The following AUTS2 variants were observed in gnomAD, a reference collection of about 807,000 sequenced individuals.
AUTS2 encodes autism susceptibility gene 2 protein.
AUTS2 carries 17 observed loss-of-function variants against 112.4 expected under a neutral mutation model. That is an observed-to-expected ratio of 0.15 (90% CI 0.10 to 0.23). The LOEUF (loss-of-function observed/expected upper bound fraction) is 0.23. Among genes scored for constraint, AUTS2 ranks in the 10% least tolerant of loss-of-function variants. The probability of loss-of-function intolerance (pLI) is 1.00; values close to 1 mark genes in which losing one functional copy is unlikely to be tolerated. For synonymous variants in AUTS2, 751 were observed against 702.7 expected (o/e 1.07, Z -1.09); for missense variants, 1,510 against 1,701.6 (o/e 0.89, Z 1.98).
intron 2 of AUTS2, among the ~76,000 whole-genome samples, chr7:70,116,956 T>C (rs1805386986): frequency 1.3e-5 from 2 of 152,208 alleles, no homozygotes; most frequent in Non-Finnish European, 1.5e-5. Flanking sequence ...GGTGATGATA[T>C]TGTAGACTAG....
rs1792699945 is a variant in AUTS2 at position 69,855,893 on chromosome 7, C to T, written c.310-43393C>T. On this transcript the variant is annotated intron_variant, in intron 1 of 18. Coordinates refer to ENST00000342771, the MANE Select transcript of AUTS2 (RefSeq NM_015570.4). ...TCAACCAACTTCTGCTTCAGGGCCT[C>T]AGGGATGGTGGGTGGTGGGGACCTT... 2.0e-5 allele frequency among the ~76,000 whole-genome samples: 3 copies of T among 152,260 alleles called. No individual in the cohort carries two copies. In the South Asian group the frequency reaches 6.2e-4, roughly 32 times the overall value.
At position 70,484,206 on chromosome 7, in the gene AUTS2, CT is replaced by C. The variant is rs930266287; in HGVS notation, c.690+48429del. Among the ~76,000 whole-genome samples, 5 of 152,272 alleles carry C rather than the reference CT, an allele frequency of 3.3e-5. No individual in the cohort carries two copies. The East Asian group carries it at 7.7e-4, about 24-fold the overall frequency. On this transcript the variant is annotated intron_variant, in intron 5 of 18. Transcript: ENST00000342771. ...TCTTGCTGCCATCTAACCATCCATC[CT>C]TTTCATTTTCAAAAATCCATATCGG...
chr7:70,765,605 T>C (rs1372721838), intron 8 of AUTS2, among the ~76,000 whole-genome samples: 1 of 152,216 alleles, frequency 6.6e-6, no homozygotes, highest in Non-Finnish European at 1.5e-5. Flanking sequence ...GAGAGCCATA[T>C]AGCAGTAATT....
chr7:69,996,021 CTTTCACCGTGAGGAATGAATGACCA>C, intron 2 of AUTS2, among the ~76,000 whole-genome samples: 1 of 152,192 alleles, frequency 6.6e-6, no homozygotes, highest in East Asian at 1.9e-4. Context: ...TTTTAATCTT[CTTTCACCGTGAGGAATGAATGACCA>C]TTTTAATAAA....
intron 6 of AUTS2, among the ~76,000 whole-genome samples, chr7:70,711,708 T>A (rs1810059544): frequency 6.6e-6 from 1 of 152,178 alleles, no homozygotes; most frequent in South Asian, 2.1e-4. Context: ...GCCTCTCATG[T>A]AGACCATGAC....
intron 1 of AUTS2, among the ~76,000 whole-genome samples, chr7:69,614,368 T>TCTTTCTTTC (rs1474509971): frequency 1.5e-4 from 3 of 19,532 alleles, no homozygotes; most frequent in Admixed American, 5.5e-4. Flanking sequence ...TTCTTTCTTT[T>TCTTTCTTTC]TTTAAGAGAT....
intron 2 of AUTS2, among the ~76,000 whole-genome samples, chr7:70,101,220 TG>T (rs1342302936): frequency 6.6e-6 from 1 of 152,164 alleles, no homozygotes; most frequent in Admixed American, 6.5e-5. Flanking sequence ...TTAGAGTAGA[TG>T]TTCACTCATT....
In AUTS2 at chr7:69,886,763, TTGTGTGTG is replaced by T. The variant is rs3220664; in HGVS notation, c.310-12483_310-12476del. On this transcript the variant is annotated intron_variant, in intron 1 of 18. Transcript: ENST00000342771. Reference sequence around the variant, plus strand: ...GCCTGTTAATGCAGATTTGACTTCTTTGTGTGTGTGTGTGTGTGTGTGTGTGTGTGTGT... The same window carrying T: ...GCCTGTTAATGCAGATTTGACTTCTTTGTGTGTGTGTGTGTGTGTGTGTGT... 7.0e-3 allele frequency among the ~76,000 whole-genome samples: 909 copies of T among 129,856 alleles called. 11 individuals carry two copies. Among genetic ancestry groups the T allele is most frequent in the African/African-American group, 0.015 (527 of 34,248 alleles). 85.2% of individuals were successfully genotyped at this position (129,856 alleles called of 152,430 possible). A position where few individuals can be genotyped will look rare whatever the true frequency, so the allele number is the denominator to read the frequency against.
intron 6 of AUTS2, among the ~76,000 whole-genome samples, chr7:70,757,897 C>A (rs375297497): frequency 0.02 from 2,834 of 143,782 alleles, 103 homozygotes; most frequent in African/African-American, 0.068. Flanking sequence ...GCTCACTGCA[C>A]CCTCCGCCCA....
chr7:69,656,617 T>C (rs1175851270), intron 1 of AUTS2, among the ~76,000 whole-genome samples: 1 of 152,158 alleles, frequency 6.6e-6, no homozygotes, highest in Non-Finnish European at 1.5e-5. Flanking sequence ...GTAGCCTTGC[T>C]CCTCCCTGAC....
chr7:70,227,342 G>GT (rs34670374), intron 4 of AUTS2, among the ~76,000 whole-genome samples: 51,735 of 150,654 alleles, frequency 0.34, 9,601 homozygotes, highest in African/African-American at 0.49. Flanking sequence ...CTTTTTAAAG[G>GT]TTTTAAAAAC....
At chr7:69,879,510 C>T (rs913352050) in intron 1 of AUTS2, among the ~76,000 whole-genome samples, 1 of 152,014 alleles carries the variant, frequency 6.6e-6, no homozygotes, top group Admixed American at 6.5e-5. Flanking sequence ...CTTATTTCCT[C>T]GCCAGTAATA....
intron 1 of AUTS2, among the ~76,000 whole-genome samples, chr7:69,883,659 C>T (rs1794152869): frequency 6.6e-6 from 1 of 152,130 alleles, no homozygotes; most frequent in Non-Finnish European, 1.5e-5. Flanking sequence ...AAACATGCTG[C>T]CATCCAAGGC....
intron 5 of AUTS2, among the ~76,000 whole-genome samples, chr7:70,547,131 C>T (rs903850421): frequency 1.3e-5 from 2 of 152,146 alleles, no homozygotes; most frequent in Non-Finnish European, 2.9e-5. Context: ...CCAGTAAAAT[C>T]CCTCATGCCC....
At chr7:70,386,129 C>G (rs900221578) in intron 4 of AUTS2, among the ~76,000 whole-genome samples, 1 of 152,190 alleles carries the variant, frequency 6.6e-6, no homozygotes, top group Non-Finnish European at 1.5e-5. Context: ...GCATACAATA[C>G]TGAGAAGCCC....
intron 4 of AUTS2, among the ~76,000 whole-genome samples, chr7:70,214,712 G>T (rs1284758835): frequency 1.3e-5 from 2 of 152,138 alleles, no homozygotes; most frequent in Non-Finnish European, 2.9e-5. Context: ...GACATGCTCT[G>T]TGGAAGGTTT....
chr7:69,940,641 T>TATAA (rs919411320), intron 2 of AUTS2, among the ~76,000 whole-genome samples: 1 of 152,096 alleles, frequency 6.6e-6, no homozygotes, highest in Non-Finnish European at 1.5e-5. Flanking sequence ...GAACCATGGG[T>TATAA]ATAACATGAT....
chr7:69,810,468 G>T (rs1168436400), intron 1 of AUTS2, among the ~76,000 whole-genome samples: 1 of 148,458 alleles, frequency 6.7e-6, no homozygotes, highest in Non-Finnish European at 1.5e-5. Flanking sequence ...CACAGTAGTT[G>T]TTTAATTAAA....
intron 1 of AUTS2, among the ~76,000 whole-genome samples, chr7:69,722,781 A>G (rs1401393849): frequency 1.3e-5 from 2 of 151,828 alleles, no homozygotes; most frequent in African/African-American, 4.8e-5. Flanking sequence ...TTATAAACAT[A>G]CTTTCATTTG....
Sources: gnomAD v4.1 joint callset for allele counts (sites outside exome capture counted in the v4.1 genomes callset) on GRCh38, gnomAD v4.1.1 for gene constraint, MANE v1.5 for transcripts, NCBI Gene and HGNC (gene_info 2026-07-23, HGNC 2026-07-21) for gene names.